Variants in PDE1C observed in about 807,000 individuals in gnomAD.
The protein encoded by PDE1C is phosphodiesterase 1C.
A neutral mutation model predicts 93.1 loss-of-function variants in PDE1C; 62 were observed. The ratio of observed to expected loss-of-function variants is 0.67; its 90% confidence interval spans 0.54 to 0.82. The LOEUF (loss-of-function observed/expected upper bound fraction) is 0.82, where lower values mean the gene tolerates loss of function less well. Among genes scored for constraint, PDE1C ranks in the 40% least tolerant of loss-of-function variants. PDE1C has a pLI of 0.00. For synonymous variants in PDE1C, 325 were observed against 310.1 expected (o/e 1.05, Z -0.50); for missense variants, 742 against 884.6 (o/e 0.84, Z 2.04).
rs570025018 is a variant in PDE1C at position 32,248,816 on chromosome 7, G to A, written c.86-39277C>T. 4.6e-5 allele frequency among the ~76,000 whole-genome samples: 7 copies of A among 152,348 alleles called. No homozygotes were observed. The South Asian group carries it at 1.4e-3, about 32-fold the overall frequency. On this transcript the variant is annotated intron_variant, in intron 1 of 18. Transcript: ENST00000396193. ...ACACTTGGAAAAGAAAACATCTGGA[G>A]AGAAAAGACTTTGTGAAGAGCTTCC...
Position 31,849,963 on chromosome 7 carries a change from T to C in PDE1C, c.851+678A>G, listed in dbSNP as rs202137249. Among the ~76,000 whole-genome samples the C allele has an allele frequency of 5.3e-5, 8 of 152,220 alleles. No homozygotes were observed. The South Asian group carries it at 6.2e-4, about 12-fold the overall frequency. ...AAACCCACAGTTTAGTAAGAAAAAG[T>C]ACCAAAATCAACTAACAGTATCTGT... On this transcript the variant is annotated intron_variant, in intron 8 of 17. Transcript: ENST00000396191.
At chr7:31,982,196 C>G (rs1812479960) in intron 2 of PDE1C, among the ~76,000 whole-genome samples, 2 of 152,322 alleles carry the variant, frequency 1.3e-5, no homozygotes, top group Admixed American at 6.5e-5. Flanking sequence ...CCTGAGCTGG[C>G]AGCCATCCAG....
At chr7:32,136,318 A>T (rs868267237) in intron 3 of PDE1C, among the ~76,000 whole-genome samples, 24 of 152,040 alleles carry the variant, frequency 1.6e-4, no homozygotes, top group Non-Finnish European at 2.4e-4. Flanking sequence ...CAGATATTTA[A>T]AAAAAATTAA....
At chr7:32,215,191 C>T (rs1333340554) in intron 1 of PDE1C, among the ~76,000 whole-genome samples, 2 of 152,122 alleles carry the variant, frequency 1.3e-5, no homozygotes. Flanking sequence ...GAGCTCTACT[C>T]CCTATCAGAT....
chr7:31,974,256 A>T (rs150805949), intron 2 of PDE1C, among the ~76,000 whole-genome samples: 448 of 152,316 alleles, frequency 2.9e-3, no homozygotes, highest in Non-Finnish European at 4.7e-3. Context: ...AAACTCTCAA[A>T]TACAGAAAGC....
the PDE1C span, among the ~76,000 whole-genome samples, chr7:31,649,122 T>C: frequency 1.3e-5 from 2 of 152,228 alleles, no homozygotes; most frequent in African/African-American, 4.8e-5. Context: ...CTATGCAAAA[T>C]ACGTTATTCA....
chr7:32,140,216 T>C (rs1055840106), intron 3 of PDE1C, among the ~76,000 whole-genome samples: 3 of 152,198 alleles, frequency 2.0e-5, no homozygotes, highest in African/African-American at 7.2e-5. Flanking sequence ...AAACTCCATT[T>C]TGCAGGTGAG....
chr7:31,813,833 A>T lies in PDE1C; in HGVS notation c.1813+2091T>A, dbSNP rs1050790628. On this transcript the variant is annotated intron_variant, in intron 15 of 17. Coordinates refer to ENST00000396191, the MANE Select transcript of PDE1C (RefSeq NM_001191057.4). ...CTCCCACCCTTTCCCCTGAGTCCCC[A>T]AAGTCCACTGTATCATTCTTATATT... 5.9e-5 allele frequency among the ~76,000 whole-genome samples: 9 copies of T among 151,800 alleles called. No homozygotes were observed. In the East Asian group the frequency reaches 1.8e-3, roughly 30 times the overall value.
chr7:32,198,212 AATG>A (rs1283521125), intron 2 of PDE1C, among the ~76,000 whole-genome samples: 1 of 152,136 alleles, frequency 6.6e-6, no homozygotes, highest in Non-Finnish European at 1.5e-5. Flanking sequence ...CTCACTCTTA[AATG>A]ATATTTCTCT....
chr7:32,315,852 G>A (rs529375996), intron 1 of PDE1C, among the ~76,000 whole-genome samples: 5 of 152,158 alleles, frequency 3.3e-5, no homozygotes, highest in South Asian at 4.2e-4. Flanking sequence ...AAAATTAGCC[G>A]GGCATGGTGG....
chr7:32,012,393 T>A (rs1787259519), intron 2 of PDE1C, among the ~76,000 whole-genome samples: 1 of 152,054 alleles, frequency 6.6e-6, no homozygotes, highest in Non-Finnish European at 1.5e-5. Flanking sequence ...CATCACCAAG[T>A]GGATGTAGGA....
chr7:32,096,534 G>A (rs1797754773), intron 3 of PDE1C, among the ~76,000 whole-genome samples: 1 of 152,144 alleles, frequency 6.6e-6, no homozygotes, highest in African/African-American at 2.4e-5. Context: ...GTATACCTGG[G>A]TTCAAATCTT....
intron 1 of PDE1C, among the ~76,000 whole-genome samples, chr7:32,330,171 A>G (rs1007890773): frequency 1.6e-4 from 24 of 152,232 alleles, no homozygotes; most frequent in African/African-American, 5.5e-4. Context: ...GACACTTCAT[A>G]TATCTTTAAT....
chr7:31,931,086 C>T (rs186714514), intron 2 of PDE1C, among the ~76,000 whole-genome samples: 181 of 152,168 alleles, frequency 1.2e-3, no homozygotes, highest in African/African-American at 4.2e-3. Context: ...TGGAATGTAT[C>T]TCAAAATAAT....
At chr7:32,194,096 A>G (rs138280654) in intron 2 of PDE1C, among the ~76,000 whole-genome samples, 15,075 of 151,756 alleles carry the variant, frequency 0.099, 872 homozygotes, top group South Asian at 0.19. Flanking sequence ...TTGTATTTTT[A>G]GTAGAGACAG....
chr7:32,265,721 A>C (rs1370125353), intron 1 of PDE1C, among the ~76,000 whole-genome samples: 1 of 152,260 alleles, frequency 6.6e-6, no homozygotes, highest in Non-Finnish European at 1.5e-5. Flanking sequence ...CCTGACCAAC[A>C]GAGACATATA....
the PDE1C span, among the ~76,000 whole-genome samples, chr7:31,727,440 T>C: frequency 6.6e-6 from 1 of 152,226 alleles, no homozygotes; most frequent in East Asian, 1.9e-4. Flanking sequence ...TCAGTTATCC[T>C]TCAGGTTCTC....
At position 32,182,179 on chromosome 7, in the gene PDE1C, T is replaced by G. The variant is rs1437150378; in HGVS notation, c.137-12223A>C. On this transcript the variant is annotated intron_variant, in intron 2 of 18. Coordinates refer to the PDE1C transcript ENST00000396193. ...ATTAATAGCTTACCAACCAAAAAAA[T>G]TCCAGGACCAGATGGATTCACAGCC... is the stretch of plus-strand genomic sequence containing the variant. Among the ~76,000 whole-genome samples the G allele has an allele frequency of 3.3e-5, 5 of 151,958 alleles. No individual in the cohort carries two copies. In the East Asian group the frequency reaches 5.8e-4, roughly 18 times the overall value.
intron 2 of PDE1C, among the ~76,000 whole-genome samples, chr7:32,199,379 A>G (rs1436032247): frequency 6.6e-6 from 1 of 152,074 alleles, no homozygotes; most frequent in African/African-American, 2.4e-5. Context: ...TATTTTGTCC[A>G]TATTCTCTCT....
Sources: gnomAD v4.1 joint callset for allele counts (sites outside exome capture counted in the v4.1 genomes callset) on GRCh38, gnomAD v4.1.1 for gene constraint, MANE v1.5 for transcripts, NCBI Gene and HGNC (gene_info 2026-07-23, HGNC 2026-07-21) for gene names.